The following EYS variants were observed in gnomAD, a reference collection of about 807,000 sequenced individuals.
EYS encodes the protein EGF-like photoreceptor maintenance factor.
In EYS, 250 loss-of-function variants were observed where a neutral mutation model predicts 282.1. That is an observed-to-expected ratio of 0.89 (90% confidence interval 0.80 to 0.98). The LOEUF (loss-of-function observed/expected upper bound fraction) is 0.98, where lower values mean the gene tolerates loss of function less well. Among genes scored for constraint, EYS ranks in the 50% least tolerant of loss-of-function variants. The pLI is 0.00. For synonymous variants in EYS, 1,355 were observed against 1,282.9 expected, an observed-to-expected ratio of 1.06 and a Z score of -1.20; for missense variants, 4,016 against 3,709.0, an observed-to-expected ratio of 1.08 and a Z score of -2.15.
intron 35 of EYS, among the ~76,000 whole-genome samples, chr6:63,896,587 T>C (rs1428211389): frequency 6.6e-6 from 1 of 152,198 alleles, no homozygotes; most frequent in Non-Finnish European, 1.5e-5. Flanking sequence ...ATCCATATCT[T>C]ACATTCATGC....
intron 36 of EYS, among the ~76,000 whole-genome samples, chr6:63,816,798 A>G (rs968536818): frequency 1.3e-5 from 2 of 152,204 alleles, no homozygotes; most frequent in African/African-American, 2.4e-5. Context: ...ACTGAAACAA[A>G]CGTAATACCC....
chr6:65,376,841 C>T (rs1183419856), intron 8 of EYS, among the ~76,000 whole-genome samples: 1 of 152,138 alleles, frequency 6.6e-6, no homozygotes, highest in Non-Finnish European at 1.5e-5. Context: ...AATATATATG[C>T]ACCCAATACA....
At chr6:65,145,399 T>C (rs1764452818) in intron 12 of EYS, among the ~76,000 whole-genome samples, 1 of 152,010 alleles carries the variant, frequency 6.6e-6, no homozygotes. Context: ...TACAGATAGT[T>C]AAGTTTATTG....
intron 31 of EYS, among the ~76,000 whole-genome samples, chr6:64,130,922 A>C (rs1459086225): frequency 1.3e-5 from 2 of 152,016 alleles, no homozygotes; most frequent in Non-Finnish European, 2.9e-5. Context: ...GGCTGGAGTG[A>C]AGTGGCGTGA....
At chr6:64,907,160 C>T (rs1767854850) in intron 16 of EYS, among the ~76,000 whole-genome samples, 2 of 152,108 alleles carry the variant, frequency 1.3e-5, no homozygotes, top group Admixed American at 6.6e-5. Flanking sequence ...TCTAGTGATC[C>T]CTCCTGCTTT....
intron 22 of EYS, among the ~76,000 whole-genome samples, chr6:64,794,764 G>A (rs1774302356): frequency 6.6e-6 from 1 of 151,976 alleles, no homozygotes; most frequent in Non-Finnish European, 1.5e-5. Flanking sequence ...TCCTTGAAAT[G>A]GGACAATTCA....
rs561259406 is a variant in EYS at position 64,142,149 on chromosome 6, T to C, written c.6425-60147A>G. 1.2e-4 allele frequency among the ~76,000 whole-genome samples: 18 copies of C among 152,190 alleles called. No homozygotes were observed. In the East Asian group the frequency reaches 2.1e-3, roughly 18 times the overall value. On this transcript the variant is annotated intron_variant, in intron 31 of 42. Transcript: ENST00000503581. ...TCCTCAAGAGGGTCATTGAGTACCA[T>C]GGAGGGATCCCATGCTGACCGTTAC...
intron 29 of EYS, among the ~76,000 whole-genome samples, chr6:64,376,189 G>A (rs566284934): frequency 9.2e-5 from 14 of 152,158 alleles, no homozygotes; most frequent in Non-Finnish European, 1.6e-4. Flanking sequence ...AAATCTACAG[G>A]TTTCTGTGGA....
intron 2 of EYS, among the ~76,000 whole-genome samples, chr6:65,627,314 A>G (rs914814583): frequency 4.0e-5 from 6 of 151,624 alleles, no homozygotes; most frequent in Admixed American, 4.0e-4. Flanking sequence ...TTTAACAAAG[A>G]GAATTTGTGA....
intron 1 of EYS, among the ~76,000 whole-genome samples, chr6:65,644,850 C>T (rs1767397537): frequency 6.6e-6 from 1 of 152,100 alleles, no homozygotes; most frequent in Non-Finnish European, 1.5e-5. Context: ...CAGTCTTTTC[C>T]AGTCAAACAA....
intron 2 of EYS, among the ~76,000 whole-genome samples, chr6:65,612,963 T>C (rs910710656): frequency 6.6e-6 from 1 of 151,794 alleles, no homozygotes; most frequent in Admixed American, 6.6e-5. Context: ...TTCTTGAGCA[T>C]TACTGTGTAA....
At chr6:65,581,247 T>G (rs72880501) in intron 2 of EYS, among the ~76,000 whole-genome samples, 1 of 152,218 alleles carries the variant, frequency 6.6e-6, no homozygotes, top group Non-Finnish European at 1.5e-5. Flanking sequence ...AAGTGGCTCA[T>G]GTAGACTAGG....
intron 36 of EYS, among the ~76,000 whole-genome samples, chr6:63,816,296 T>C (rs1304490088): frequency 6.6e-6 from 1 of 152,158 alleles, no homozygotes; most frequent in Non-Finnish European, 1.5e-5. Context: ...AATGGAGTAT[T>C]ATAGAACTAC....
rs544921218 is a variant in EYS, at chr6:64,441,162, C to T, written c.5645-1810G>A. Among the ~76,000 whole-genome samples, 17 of 152,228 alleles carry T rather than the reference C, an allele frequency of 1.1e-4. No individual in the cohort carries two copies. In the East Asian group the frequency reaches 3.1e-3, roughly 28 times the overall value. Reference sequence around the variant, plus strand: ...GACAAGACTACGTTGAAGATGAAGTCCTTAGTGACTGACCATCCATATCAA... The same window carrying T: ...GACAAGACTACGTTGAAGATGAAGTTCTTAGTGACTGACCATCCATATCAA... On this transcript the variant is annotated intron_variant, in intron 26 of 42. Coordinates refer to ENST00000503581, the MANE Select transcript of EYS (RefSeq NM_001142800.2).
At chr6:64,793,721 T>C (rs930133786) in intron 22 of EYS, among the ~76,000 whole-genome samples, 4 of 152,220 alleles carry the variant, frequency 2.6e-5, no homozygotes, top group African/African-American at 4.8e-5. Context: ...TTTCCTCTTC[T>C]TCATCTGTTT....
chr6:64,224,211 T>C (rs954381408), intron 31 of EYS, among the ~76,000 whole-genome samples: 2 of 152,114 alleles, frequency 1.3e-5, no homozygotes, highest in African/African-American at 4.8e-5. Context: ...AAAGATCTTC[T>C]ATGCTTCCAA....
intron 19 of EYS, among the ~76,000 whole-genome samples, chr6:64,868,391 G>T (rs1187240952): frequency 1.1e-4 from 16 of 151,400 alleles, no homozygotes; most frequent in African/African-American, 3.9e-4. Context: ...CATGTAAAAT[G>T]CCACTAAATG....
chr6:64,786,196 T>A (rs1021826284), intron 22 of EYS, among the ~76,000 whole-genome samples: 5 of 151,600 alleles, frequency 3.3e-5, no homozygotes, highest in African/African-American at 1.2e-4. Flanking sequence ...ACATTTTTTT[T>A]TTTTTTTTTG....
chr6:63,837,488 G>A lies in EYS; in HGVS notation c.7228+26698C>T, dbSNP rs1176340873. Among the ~76,000 whole-genome samples, 4 of 152,172 alleles carry A rather than the reference G, an allele frequency of 2.6e-5. No homozygotes were observed. The East Asian group carries it at 7.7e-4, about 29-fold the overall frequency. ...AGACCCCAGAAAGGGGTAAAAATATGTTAATTCATAAGTGATTGCAATTTA... is the reference window on the plus strand; with the variant it reads ...AGACCCCAGAAAGGGGTAAAAATATATTAATTCATAAGTGATTGCAATTTA... On this transcript the variant is annotated intron_variant, in intron 36 of 42. Transcript: ENST00000503581.
Sources: allele counts gnomAD v4.1 joint callset (sites outside exome capture counted in the v4.1 genomes callset), GRCh38; gene constraint gnomAD v4.1.1; transcripts MANE v1.5; gene names NCBI Gene and HGNC (gene_info 2026-07-23, HGNC 2026-07-21).